Variants in CNTN5 observed in about 807,000 individuals in gnomAD.
The protein encoded by CNTN5 is contactin 5.
A neutral mutation model predicts 129.1 loss-of-function variants in CNTN5; 77 were observed. That is an observed-to-expected ratio of 0.60 (90% CI 0.50 to 0.72). The LOEUF (loss-of-function observed/expected upper bound fraction) is 0.72, where lower values mean the gene tolerates loss of function less well. CNTN5 is among the 30% of genes least tolerant of loss of function. CNTN5 has a pLI of 0.00. For synonymous variants in CNTN5, 509 were observed against 465.6 expected (o/e 1.09, Z -1.20); for missense variants, 1,478 against 1,328.8 (o/e 1.11, Z -1.75).
At chr11:99,233,520 C>T (rs924479357) in intron 1 of CNTN5, among the ~76,000 whole-genome samples, 3 of 152,116 alleles carry the variant, frequency 2.0e-5, no homozygotes, top group Middle Eastern at 3.4e-3. Flanking sequence ...TATATGGTGA[C>T]GTTTCTTGAT....
chr11:100,161,830 TACACACACACACAC>T (rs71050053), intron 13 of CNTN5, among the ~76,000 whole-genome samples: 36 of 125,884 alleles, frequency 2.9e-4, no homozygotes, highest in Admixed American at 3.9e-4. Flanking sequence ...TGGAGCTTCC[TACACACACACACAC>T]ACACACACAC....
At chr11:100,006,171 A>G (rs1314470168) in intron 9 of CNTN5, among the ~76,000 whole-genome samples, 2 of 152,144 alleles carry the variant, frequency 1.3e-5, no homozygotes, top group Admixed American at 1.3e-4. Context: ...ATTTAAAAAT[A>G]TTTTACTGCT....
intron 13 of CNTN5, among the ~76,000 whole-genome samples, chr11:100,143,736 G>A (rs1946767106): frequency 6.6e-6 from 1 of 152,106 alleles, no homozygotes; most frequent in African/African-American, 2.4e-5. Context: ...GAGCCAGTGT[G>A]GCAAATAAAA....
chr11:99,469,552 G>A (rs1427439487), intron 2 of CNTN5, among the ~76,000 whole-genome samples: 1 of 151,864 alleles, frequency 6.6e-6, no homozygotes, highest in Non-Finnish European at 1.5e-5. Flanking sequence ...TTATAGCTCT[G>A]ATTTTCCCAT....
chr11:99,306,606 C>A (rs1489373869), intron 1 of CNTN5, among the ~76,000 whole-genome samples: 2 of 151,794 alleles, frequency 1.3e-5, no homozygotes, highest in Non-Finnish European at 2.9e-5. Context: ...TCCTTAATCT[C>A]TTTTTTAACT....
intron 9 of CNTN5, among the ~76,000 whole-genome samples, chr11:100,018,354 T>C (rs1940944670): frequency 6.6e-6 from 1 of 152,000 alleles, no homozygotes; most frequent in South Asian, 2.1e-4. Flanking sequence ...CCTGTATGTT[T>C]TGTCACTATA....
At chr11:99,399,154 G>A (rs1175039158) in intron 2 of CNTN5, among the ~76,000 whole-genome samples, 12 of 148,016 alleles carry the variant, frequency 8.1e-5, no homozygotes, top group Admixed American at 6.8e-5. Flanking sequence ...AGCATTTGTG[G>A]AATAAAAAAA....
chr11:99,069,647 T>G (rs1865253296), intron 1 of CNTN5, among the ~76,000 whole-genome samples: 1 of 152,128 alleles, frequency 6.6e-6, no homozygotes, highest in East Asian at 1.9e-4. Flanking sequence ...GTACCAGACA[T>G]TTTTCAGGTA....
At chr11:99,228,578 A>C (rs1860816368) in intron 1 of CNTN5, among the ~76,000 whole-genome samples, 1 of 152,108 alleles carries the variant, frequency 6.6e-6, no homozygotes, top group Non-Finnish European at 1.5e-5. Flanking sequence ...TGTGTGTAAC[A>C]AAATGTTACA....
chr11:100,119,214 G>T (rs896772893), intron 13 of CNTN5, among the ~76,000 whole-genome samples: 1 of 151,892 alleles, frequency 6.6e-6, no homozygotes, highest in Non-Finnish European at 1.5e-5. Context: ...ACACACGATT[G>T]CTGTATTCTC....
chr11:99,794,971 T>C (rs1020625265), intron 3 of CNTN5, among the ~76,000 whole-genome samples: 2 of 152,204 alleles, frequency 1.3e-5, no homozygotes, highest in African/African-American at 2.4e-5. Flanking sequence ...TTAGCCTCTA[T>C]TGCAAGGTTA....
chr11:99,825,566 TTGTGGTAAAAAGGATATCAC>T (rs1161346033), intron 4 of CNTN5, among the ~76,000 whole-genome samples: 10 of 152,182 alleles, frequency 6.6e-5, no homozygotes, highest in African/African-American at 2.2e-4. Context: ...GAAGCATATT[TTGTGGTAAAAAGGATATCAC>T]TGTGACAAAC....
intron 13 of CNTN5, among the ~76,000 whole-genome samples, chr11:100,163,492 T>G (rs1227780045): frequency 2.6e-5 from 4 of 151,886 alleles, no homozygotes; most frequent in Non-Finnish European, 4.4e-5. Context: ...ATAATTCCCT[T>G]GGATGTCATA....
chr11:100,141,560 A>C (rs1213035044), intron 13 of CNTN5, among the ~76,000 whole-genome samples: 1 of 152,132 alleles, frequency 6.6e-6, no homozygotes, highest in Non-Finnish European at 1.5e-5. Flanking sequence ...ATTTTGTTAT[A>C]ATTTTGTAGC....
At chr11:99,030,668 A>C (rs1399312023) in intron 1 of CNTN5, among the ~76,000 whole-genome samples, 1 of 152,120 alleles carries the variant, frequency 6.6e-6, no homozygotes, top group African/African-American at 2.4e-5. Context: ...TGAAATTAAT[A>C]ATGTTCCCCA....
chr11:100,177,709 T>C (rs1417849048), intron 13 of CNTN5, among the ~76,000 whole-genome samples: 1 of 152,150 alleles, frequency 6.6e-6, no homozygotes, highest in Non-Finnish European at 1.5e-5. Context: ...GGCTATTTCA[T>C]CTGCCAAAAC....
rs369655408 is a variant in CNTN5, at chr11:99,681,903, A to G, written c.55+125634A>G. 2.1e-4 allele frequency among the ~76,000 whole-genome samples: 32 copies of G among 152,192 alleles called. 1 individual carries two copies. The highest frequency in any genetic ancestry group is 6.7e-4 in the African/African-American group (28 of 41,510). On this transcript the variant is annotated intron_variant, in intron 3 of 24. Transcript: ENST00000524871. ...TTAGAATCCTCTAGGAAAAGAGATT[A>G]AATTATAACAGTGAGAAAATTAGAC...
chr11:99,233,962 A>G, intron 1 of CNTN5, among the ~76,000 whole-genome samples: 2 of 152,150 alleles, frequency 1.3e-5, no homozygotes, highest in South Asian at 4.1e-4. Flanking sequence ...ATAAATAAAT[A>G]AATAAATAAT....
intron 3 of CNTN5, among the ~76,000 whole-genome samples, chr11:99,773,687 T>A (rs1381188551): frequency 6.6e-6 from 1 of 152,074 alleles, no homozygotes; most frequent in Non-Finnish European, 1.5e-5. Context: ...ATATTATATT[T>A]CTCATCAATA....
Sources: gnomAD v4.1 joint callset for allele counts (sites outside exome capture counted in the v4.1 genomes callset) on GRCh38, gnomAD v4.1.1 for gene constraint, MANE v1.5 for transcripts, NCBI Gene and HGNC (gene_info 2026-07-23, HGNC 2026-07-21) for gene names.